The following LYRM4 variants were observed in gnomAD, a reference collection of about 807,000 sequenced individuals.
LYRM4 encodes the protein LYR motif containing 4, also known as LYR motif-containing protein 4.
Under a neutral mutation model 11.7 loss-of-function variants are expected in LYRM4, and 9 were observed. That is an observed-to-expected ratio of 0.77 (90% confidence interval 0.46 to 1.34). The LOEUF (loss-of-function observed/expected upper bound fraction) is 1.34. LYRM4 is among the 40% of genes most tolerant of loss of function. The pLI is 0.00. For synonymous variants in LYRM4, 42 were observed against 40.4 expected (o/e 1.04, Z -0.15); for missense variants, 133 against 112.5 (o/e 1.18, Z -0.82).
At chr6:5,095,895 G>A in the LYRM4 span, among the ~76,000 whole-genome samples, 276 of 152,226 alleles carry the variant, frequency 1.8e-3, no homozygotes, top group African/African-American at 6.5e-3. Context: ...CAGGAGAATC[G>A]CTTAAGCCCA....
intron 2 of LYRM4, among the ~76,000 whole-genome samples, chr6:5,183,525 A>G (rs1487238720): frequency 6.6e-6 from 1 of 152,230 alleles, no homozygotes; most frequent in East Asian, 1.9e-4. Context: ...AATGCAATAA[A>G]GTTGGTAAAA....
At position 5,165,695 on chromosome 6, in the gene LYRM4, ACCACAC is replaced by A. The variant is rs1231395835; in HGVS notation, c.207+50917_207+50922del. Among the ~76,000 whole-genome samples the A allele has an allele frequency of 2.6e-5, 4 of 152,106 alleles. No homozygotes were observed. In the East Asian group the frequency reaches 5.8e-4, roughly 22 times the overall value. On this transcript the variant is annotated intron_variant, in intron 2 of 2. Transcript: ENST00000330636. ...GTAGCTGGGACTAGAGGTGCATACC[ACCACAC>A]CCAGCAGATTTTTGTAATTATACTA...
At chr6:5,116,490 A>G (rs1354965538) in intron 2 of LYRM4, among the ~76,000 whole-genome samples, 1 of 152,204 alleles carries the variant, frequency 6.6e-6, no homozygotes, top group Admixed American at 6.5e-5. Flanking sequence ...GCCAGCACAC[A>G]ACGGGAGGCT....
chr6:5,195,365 C>T, intron 2 of LYRM4, among the ~76,000 whole-genome samples: 1 of 152,160 alleles, frequency 6.6e-6, no homozygotes, highest in South Asian at 2.1e-4. Flanking sequence ...AATCTCAGCA[C>T]TTTGGGAGGC....
intron 2 of LYRM4, among the ~76,000 whole-genome samples, chr6:5,206,000 C>CCAGCATTACATAACT (rs1298616229): frequency 6.6e-6 from 1 of 152,168 alleles, no homozygotes; most frequent in Non-Finnish European, 1.5e-5. Flanking sequence ...CCGTGAAGAA[C>CCAGCATTACATAACT]CAGCATTACA....
At chr6:5,154,763 G>A (rs2127644695) in intron 2 of LYRM4, among the ~76,000 whole-genome samples, 1 of 152,250 alleles carries the variant, frequency 6.6e-6, no homozygotes, top group African/African-American at 2.4e-5. Context: ...AGCTTGCAGT[G>A]AGCCGGGATC....
the LYRM4 span, chr6:5,033,176 A>ACC: frequency 7.3e-6 from 1 of 137,566 alleles, no homozygotes; most frequent in African/African-American, 2.7e-5. Context: ...GCCCAGACAG[A>ACC]CTCTTCTCCC....
downstream of LYRM4, among the ~76,000 whole-genome samples, chr6:5,099,606 AT>A (rs572606104): frequency 3.9e-4 from 59 of 151,990 alleles, 1 homozygote; most frequent in South Asian, 9.6e-3. This position sits in a 1 kb window ranked among gnomAD's most constrained non-coding sequence, Gnocchi z 4.3. Context: ...TGATCTTCAT[AT>A]TTTTTATTTC....
the LYRM4 span, among the ~76,000 whole-genome samples, chr6:5,076,185 A>G: frequency 6.6e-6 from 1 of 152,134 alleles, no homozygotes; most frequent in East Asian, 1.9e-4. Flanking sequence ...GGCTCAAGTG[A>G]TCCACCCGTC....
At chr6:5,049,488 G>A in the LYRM4 span, among the ~76,000 whole-genome samples, 2 of 152,220 alleles carry the variant, frequency 1.3e-5, no homozygotes, top group African/African-American at 2.4e-5. Flanking sequence ...TGAGGTCATA[G>A]ATATTAGAAT....
chr6:5,057,767 T>C, the LYRM4 span, among the ~76,000 whole-genome samples: 1 of 151,960 alleles, frequency 6.6e-6, no homozygotes, highest in South Asian at 2.1e-4. Context: ...ACGCTCACTT[T>C]TTTTTTTCTT....
chr6:5,097,702 C>T, the LYRM4 span, among the ~76,000 whole-genome samples: 8 of 152,160 alleles, frequency 5.3e-5, no homozygotes, highest in Non-Finnish European at 5.9e-5. Flanking sequence ...AGAGCCTGCA[C>T]GACCCAATCA....
At chr6:5,255,160 T>C (rs1205412271) in intron 1 of LYRM4, among the ~76,000 whole-genome samples, 4 of 152,176 alleles carry the variant, frequency 2.6e-5, no homozygotes, top group Admixed American at 1.3e-4. Context: ...TCTTCAACCC[T>C]ACAGTAGTTA....
chr6:5,157,980 G>A (rs1758514905), intron 2 of LYRM4, among the ~76,000 whole-genome samples: 1 of 152,214 alleles, frequency 6.6e-6, no homozygotes, highest in Non-Finnish European at 1.5e-5. Flanking sequence ...GGACTTGACA[G>A]GGGGGCTGGC....
At chr6:5,065,079 G>A in the LYRM4 span, among the ~76,000 whole-genome samples, 1 of 151,988 alleles carries the variant, frequency 6.6e-6, no homozygotes, top group African/African-American at 2.4e-5. Flanking sequence ...CTAACTCCAA[G>A]TTTTGCCTTA....
chr6:5,215,610 C>T (rs57964756), intron 2 of LYRM4, among the ~76,000 whole-genome samples: 213 of 152,316 alleles, frequency 1.4e-3, no homozygotes, highest in African/African-American at 4.7e-3. Context: ...TTGACATAAA[C>T]TGCAAATTAT....
chr6:5,247,648 T>C (rs1394328291), intron 1 of LYRM4, among the ~76,000 whole-genome samples: 2 of 152,202 alleles, frequency 1.3e-5, no homozygotes, highest in South Asian at 4.1e-4. Flanking sequence ...TTACAATGAA[T>C]TGATCACGTA....
At chr6:5,215,197 C>T (rs1378640624) in intron 2 of LYRM4, among the ~76,000 whole-genome samples, 2 of 152,126 alleles carry the variant, frequency 1.3e-5, no homozygotes, top group African/African-American at 2.4e-5. Context: ...TAAAACCTGC[C>T]TGTTTTGCCA....
At chr6:5,159,596 C>T (rs1571564) in intron 2 of LYRM4, among the ~76,000 whole-genome samples, 1 of 152,094 alleles carries the variant, frequency 6.6e-6, no homozygotes, top group African/African-American at 2.4e-5. Flanking sequence ...CCCATCTCAA[C>T]CTCTCTCCAG....
Sources: allele counts gnomAD v4.1 joint callset (sites outside exome capture counted in the v4.1 genomes callset), GRCh38; gene constraint gnomAD v4.1.1; non-coding constraint Gnocchi (gnomAD v3.1); transcripts MANE v1.5; gene names NCBI Gene and HGNC (gene_info 2026-07-23, HGNC 2026-07-21).